FHIP1A: variants seen among roughly 807,000 people sequenced by gnomAD.
FHIP1A encodes FHF complex subunit HOOK interacting protein 1A.
Under a neutral mutation model 88.6 loss-of-function variants are expected in FHIP1A, and 61 were observed. The ratio of observed to expected loss-of-function variants is 0.69; its 90% CI spans 0.56 to 0.85. The LOEUF (loss-of-function observed/expected upper bound fraction) is 0.85. Ranked by LOEUF, FHIP1A falls within the 40% of genes least tolerant of loss-of-function variation. The pLI, the probability that FHIP1A is intolerant of heterozygous loss-of-function variation, is 0.00. For missense variants in FHIP1A, 1,154 were observed against 1,273.5 expected (o/e 0.91, Z 1.43); for synonymous variants, 478 against 496.0 (o/e 0.96, Z 0.48).
intron 2 of FHIP1A, among the ~76,000 whole-genome samples, chr4:151,459,383 A>G (rs1331438324): frequency 1.3e-5 from 2 of 152,196 alleles, no homozygotes; most frequent in African/African-American, 4.8e-5. Flanking sequence ...AATACGTCTC[A>G]AAGTGAGTAC....
In FHIP1A at chr4:151,649,570, A is replaced by G. The variant is rs1736925784; in HGVS notation, c.1529A>G (p.Asn510Ser). 1 of 1,551,642 alleles carries G rather than the reference A, an allele frequency of 6.4e-7. No homozygotes were observed. The highest frequency in any genetic ancestry group is 1.4e-5 in the African/African-American group (1 of 73,138). Residue 510 changes from asparagine (N) to serine (S), a missense_variant, in exon 11 of 14, where the codon AAC becomes AGC. By Grantham distance (46) the Asn-to-Ser change is conservative (BLOSUM62 1). Coordinates refer to ENST00000435205, the MANE Select transcript of FHIP1A (RefSeq NM_001109977.3). ...YLQYLWEAHTNILRCMRDCRV... is the reference protein window; with the variant it reads ...YLQYLWEAHTSILRCMRDCRV... ...CAGTACCTGTGGGAGGCCCACACCAACATCCTCCGCTGCATGAGGGACTGC... is the reference window on the plus strand; with the variant it reads ...CAGTACCTGTGGGAGGCCCACACCAGCATCCTCCGCTGCATGAGGGACTGC...
At chr4:151,629,012 G>T (rs191029978) in intron 7 of FHIP1A, among the ~76,000 whole-genome samples, 112 of 152,290 alleles carry the variant, frequency 7.4e-4, no homozygotes, top group Non-Finnish European at 1.3e-3. Flanking sequence ...TTTACTGCAT[G>T]AGAAAATTAC....
chr4:151,661,426 T>A (rs78939722), intron 13 of FHIP1A, among the ~76,000 whole-genome samples: 1 of 150,154 alleles, frequency 6.7e-6, no homozygotes, highest in Non-Finnish European at 1.5e-5. Context: ...TTTTTTTTTT[T>A]AACACTAAAG....
At chr4:151,433,111 C>G (rs1276300152) in intron 1 of FHIP1A, among the ~76,000 whole-genome samples, 4 of 152,112 alleles carry the variant, frequency 2.6e-5, no homozygotes, top group Non-Finnish European at 5.9e-5. Context: ...GCCTGAAATA[C>G]CAGCTTGCTT....
In FHIP1A at chr4:151,412,574, CTTTCCTTTCT is replaced by C. The variant is rs1561483955; in HGVS notation, c.-356+3112_-356+3121del. Among the ~76,000 whole-genome samples the C allele has an allele frequency of 7.3e-3, 1,023 of 140,566 alleles. 13 individuals carry two copies. Among genetic ancestry groups the C allele is most frequent in the African/African-American group, 0.026 (976 of 36,874 alleles). The allele number at this position is 140,566 out of a possible 152,430, so 92.2% of individuals were successfully genotyped here. A position where few individuals can be genotyped will look rare whatever the true frequency, so the allele number is the denominator to read the frequency against. ...TTTCTTTTTCTTTCTTTCTTTCTTT[CTTTCCTTTCT>C]TTCCTTCCTTCCTTCCTTCCTTCCT... is the stretch of plus-strand genomic sequence containing the variant. On this transcript the variant is annotated intron_variant, in intron 1 of 13. Transcript: ENST00000435205.
intron 3 of FHIP1A, among the ~76,000 whole-genome samples, chr4:151,552,939 A>T (rs1409191015): frequency 6.6e-6 from 1 of 152,152 alleles, no homozygotes; most frequent in South Asian, 2.1e-4. Context: ...GGTTTGGTAC[A>T]TAACCCTGTA....
chr4:151,578,327 T>C (rs753182265), intron 5 of FHIP1A, among the ~76,000 whole-genome samples: 40 of 152,326 alleles, frequency 2.6e-4, no homozygotes, highest in Admixed American at 1.4e-3. Context: ...GGTTAATTTT[T>C]ACTGCATTAA....
At chr4:151,493,133 G>T (rs1406369354) in intron 3 of FHIP1A, among the ~76,000 whole-genome samples, 1 of 152,148 alleles carries the variant, frequency 6.6e-6, no homozygotes, top group Non-Finnish European at 1.5e-5. Flanking sequence ...AATCTGAAAT[G>T]AAATGGGAGA....
At chr4:151,439,926 G>A (rs1561495364) in intron 1 of FHIP1A, among the ~76,000 whole-genome samples, 1 of 152,014 alleles carries the variant, frequency 6.6e-6, no homozygotes, top group Non-Finnish European at 1.5e-5. Context: ...TACGTTTATT[G>A]TCTCTATCTC....
intron 9 of FHIP1A, among the ~76,000 whole-genome samples, chr4:151,641,464 T>G (rs549639124): frequency 6.6e-6 from 1 of 152,400 alleles, no homozygotes; most frequent in African/African-American, 2.4e-5. Context: ...GCGGGCCGCA[T>G]GTGGCCCAGG....
At chr4:151,483,971 C>A (rs535008929) in intron 3 of FHIP1A, among the ~76,000 whole-genome samples, 3 of 152,150 alleles carry the variant, frequency 2.0e-5, no homozygotes, top group East Asian at 3.9e-4. Context: ...AGGCATTGAG[C>A]CTGTGTTTAA....
intron 3 of FHIP1A, among the ~76,000 whole-genome samples, chr4:151,511,331 C>T (rs1560739329): frequency 3.9e-5 from 6 of 152,216 alleles, no homozygotes; most frequent in South Asian, 2.1e-4. Context: ...GGAACCGCTC[C>T]GGTCTACAGC....
intron 3 of FHIP1A, among the ~76,000 whole-genome samples, chr4:151,484,596 C>T (rs1730013590): frequency 1.3e-5 from 2 of 152,150 alleles, no homozygotes; most frequent in Non-Finnish European, 2.9e-5. Context: ...ATAACAAGGA[C>T]CACCCAAGTG....
chr4:151,415,285 C>T (rs779046158), intron 1 of FHIP1A, among the ~76,000 whole-genome samples: 14 of 151,728 alleles, frequency 9.2e-5, no homozygotes, highest in South Asian at 2.1e-4. Flanking sequence ...CTCCCAGGTT[C>T]GAGCAATTCT....
chr4:151,549,757 A>G (rs1367511991), intron 3 of FHIP1A, among the ~76,000 whole-genome samples: 2 of 152,124 alleles, frequency 1.3e-5, no homozygotes, highest in Non-Finnish European at 2.9e-5. Flanking sequence ...TTCTTGCATG[A>G]GATCCAAGAG....
At chr4:151,658,612 A>C (rs1193171680) in intron 13 of FHIP1A, among the ~76,000 whole-genome samples, 3 of 152,220 alleles carry the variant, frequency 2.0e-5, no homozygotes, top group Admixed American at 1.3e-4. Flanking sequence ...TGTTGGCCAA[A>C]GCAAGACAGA....
chr4:151,528,758 G>A (rs1731771749), intron 3 of FHIP1A, among the ~76,000 whole-genome samples: 1 of 151,672 alleles, frequency 6.6e-6, no homozygotes, highest in African/African-American at 2.4e-5. Context: ...ATTCCTTAAT[G>A]GAACCTTATC....
chr4:151,425,210 C>T (rs755639849), intron 1 of FHIP1A, among the ~76,000 whole-genome samples: 1 of 152,098 alleles, frequency 6.6e-6, no homozygotes, highest in Non-Finnish European at 1.5e-5. Context: ...TCTCACTACT[C>T]GTTTATAAGA....
At chr4:151,511,745 C>T (rs1198024095) in intron 3 of FHIP1A, among the ~76,000 whole-genome samples, 1 of 152,254 alleles carries the variant, frequency 6.6e-6, no homozygotes, top group South Asian at 2.1e-4. Context: ...GGGCGCCCGC[C>T]ATTGCCCAGG....
Sources: gnomAD v4.1 joint callset for allele counts (sites outside exome capture counted in the v4.1 genomes callset) on GRCh38, gnomAD v4.1.1 for gene constraint, MANE v1.5 for transcripts, NCBI Gene and HGNC (gene_info 2026-07-23, HGNC 2026-07-21) for gene names.